PPM1H: variants seen among roughly 807,000 people sequenced by gnomAD.
PPM1H encodes protein phosphatase 1H.
In PPM1H, 27 loss-of-function variants were observed where a neutral mutation model predicts 54.9. That is an observed-to-expected ratio of 0.49 (90% confidence interval 0.36 to 0.68). The LOEUF (loss-of-function observed/expected upper bound fraction) is 0.68. Among genes scored for constraint, PPM1H ranks in the 30% least tolerant of loss-of-function variants. The pLI is 0.00. For synonymous variants in PPM1H, 305 were observed against 270.8 expected, an observed-to-expected ratio of 1.13 and a Z score of -1.24; for missense variants, 596 against 667.8, an observed-to-expected ratio of 0.89 and a Z score of 1.19.
rs1473952546 is a variant in PPM1H at position 62,731,767 on chromosome 12, G to A, written c.954+5735C>T. 5.9e-5 allele frequency among the ~76,000 whole-genome samples: 9 copies of A among 152,126 alleles called. 1 individual carries two copies. Among genetic ancestry groups the A allele is most frequent in the Admixed American group, 4.6e-4 (7 of 15,270 alleles). On this transcript the variant is annotated intron_variant, in intron 5 of 9. Transcript: ENST00000228705. ...TTTGAAGATATGATGACACCGGCAC[G>A]ACTTAATGTAATCAAGTCAGAGTTT...
At position 62,934,251 on chromosome 12, in the gene PPM1H, C is replaced by A. The variant is rs1463258869; in HGVS notation, c.245+241G>T. Among the ~76,000 whole-genome samples the A allele has an allele frequency of 1.3e-5, 2 of 152,202 alleles. No individual in the cohort carries two copies. Among genetic ancestry groups the A allele is most frequent in the Non-Finnish European group, 2.9e-5 (2 of 68,040 alleles). On this transcript the variant is annotated intron_variant, in intron 1 of 9. Transcript: ENST00000228705. The surrounding 1 kb of genome is among the most constrained non-coding windows in gnomAD (Gnocchi z 4.2). Reference sequence around the variant, plus strand: ...ACCTTAGCTTTCCCACGCTCCAGCGCTGCCACCCACCCCTCCACCACCCAT... The same window carrying A: ...ACCTTAGCTTTCCCACGCTCCAGCGATGCCACCCACCCCTCCACCACCCAT...
intron 2 of PPM1H, among the ~76,000 whole-genome samples, chr12:62,830,506 T>A (rs1051377692): frequency 6.6e-6 from 1 of 152,092 alleles, no homozygotes; most frequent in South Asian, 2.1e-4. Context: ...CTGCCCGCCT[T>A]GGCCTCCCAA....
intron 9 of PPM1H, chr12:62,659,288 A>C: frequency 2.0e-6 from 1 of 500,676 alleles, no homozygotes; most frequent in Non-Finnish European, 3.6e-6. Flanking sequence ...AAAAAAAAAA[A>C]AAAGAGAAAA....
At chr12:62,809,595 TG>T (rs755850439) in intron 2 of PPM1H, among the ~76,000 whole-genome samples, 8 of 152,216 alleles carry the variant, frequency 5.3e-5, no homozygotes, top group Non-Finnish European at 1.2e-4. Context: ...GAGATAGGCC[TG>T]GGGAATCACA....
chr12:62,752,382 T>G (rs1196353878), intron 4 of PPM1H, among the ~76,000 whole-genome samples: 2 of 152,224 alleles, frequency 1.3e-5, no homozygotes, highest in South Asian at 2.1e-4. Context: ...GTGACCTCAC[T>G]TAGGCTTTAA....
At chr12:62,675,493 A>G (rs950533522) in intron 8 of PPM1H, among the ~76,000 whole-genome samples, 1 of 152,210 alleles carries the variant, frequency 6.6e-6, no homozygotes, top group African/African-American at 2.4e-5. Flanking sequence ...TTGCAAAGAT[A>G]AGCATCAGAA....
intron 2 of PPM1H, among the ~76,000 whole-genome samples, chr12:62,812,216 G>A (rs1030814454): frequency 1.1e-4 from 16 of 152,090 alleles, no homozygotes; most frequent in Admixed American, 5.9e-4. Flanking sequence ...CAAATGTTTC[G>A]GCAATGGCTC....
chr12:62,815,256 T>C (rs532796231), intron 2 of PPM1H, among the ~76,000 whole-genome samples: 1 of 152,314 alleles, frequency 6.6e-6, no homozygotes, highest in African/African-American at 2.4e-5. Flanking sequence ...TAATTTCATA[T>C]ACTTTAATGA....
At chr12:62,695,315 T>G (rs1214027064) in intron 6 of PPM1H, among the ~76,000 whole-genome samples, 1 of 152,106 alleles carries the variant, frequency 6.6e-6, no homozygotes, top group Non-Finnish European at 1.5e-5. Flanking sequence ...CCTGCACAAG[T>G]AGATGTGCTC....
At chr12:62,658,989 A>G in intron 9 of PPM1H, 1 of 721,086 alleles carries the variant, frequency 1.4e-6, no homozygotes, top group African/African-American at 1.7e-5. Flanking sequence ...TTGATGCCCA[A>G]CATTGGTTAT....
intron 1 of PPM1H, among the ~76,000 whole-genome samples, chr12:62,882,535 A>G (rs1161084653): frequency 5.3e-5 from 8 of 152,360 alleles, no homozygotes; most frequent in Non-Finnish European, 1.2e-4. Flanking sequence ...ACGCAGCCCA[A>G]GAGTCCTTGG....
chr12:62,823,798 A>C (rs895706098), intron 2 of PPM1H, among the ~76,000 whole-genome samples: 4 of 152,356 alleles, frequency 2.6e-5, no homozygotes, highest in Admixed American at 1.3e-4. Flanking sequence ...TATCATACTG[A>C]ATGGGCAAAA....
At chr12:62,656,505 G>A (rs931354784) in intron 9 of PPM1H, among the ~76,000 whole-genome samples, 2 of 152,194 alleles carry the variant, frequency 1.3e-5, no homozygotes, top group Non-Finnish European at 2.9e-5. Flanking sequence ...ATCTGAATCA[G>A]CACAACAGTG....
Position 62,933,673 on chromosome 12 carries a change from T to C in PPM1H, c.245+819A>G, listed in dbSNP as rs984983088. 5.3e-5 allele frequency among the ~76,000 whole-genome samples: 8 copies of C among 152,264 alleles called. No individual in the cohort carries two copies. In the East Asian group the frequency reaches 1.3e-3, roughly 26 times the overall value. On this transcript the variant is annotated intron_variant, in intron 1 of 9. Coordinates refer to ENST00000228705, the MANE Select transcript of PPM1H (RefSeq NM_020700.2). The stretch of plus-strand genomic sequence containing the variant: ...TTACCATTCATAAGATGGTTATTAA[T>C]AGTCAGTGGAAAAGTGGCCATGGAG...
chr12:62,799,089 T>C (rs1309555873), intron 3 of PPM1H, among the ~76,000 whole-genome samples: 1 of 152,204 alleles, frequency 6.6e-6, no homozygotes, highest in Non-Finnish European at 1.5e-5. Context: ...GAATTACACA[T>C]GAAAATGAAG....
intron 1 of PPM1H, among the ~76,000 whole-genome samples, chr12:62,871,028 A>G (rs763735886): frequency 1.3e-5 from 2 of 152,230 alleles, no homozygotes; most frequent in Admixed American, 6.5e-5. Flanking sequence ...TTAAATATAC[A>G]TCATAAGATC....
chr12:62,927,425 T>C (rs772734711), intron 1 of PPM1H, among the ~76,000 whole-genome samples: 10 of 152,162 alleles, frequency 6.6e-5, no homozygotes, highest in African/African-American at 1.9e-4. Context: ...TTTGGGAGGC[T>C]GAGGCAGGTG....
rs902867118 is a variant in PPM1H at position 62,834,581 on chromosome 12, G to A, written c.246-2302C>T. On this transcript the variant is annotated intron_variant, in intron 1 of 9. Coordinates refer to ENST00000228705, the MANE Select transcript of PPM1H (RefSeq NM_020700.2). ...CAGGCAAGGTCTGGTCCAGGCCTGA[G>A]AGGGCGGGCCTTTCCCAGCATCTCT... Among the ~76,000 whole-genome samples the A allele has an allele frequency of 9.9e-5, 15 of 152,206 alleles. 1 individual carries two copies. Among genetic ancestry groups the A allele is most frequent in the Admixed American group, 8.5e-4 (13 of 15,288 alleles).
chr12:62,746,246 G>A (rs1443601051), intron 4 of PPM1H, among the ~76,000 whole-genome samples: 1 of 152,050 alleles, frequency 6.6e-6, no homozygotes, highest in East Asian at 1.9e-4. Context: ...ATCTTCCCCT[G>A]CAGCCTGAGC....
Sources: allele counts gnomAD v4.1 joint callset (sites outside exome capture counted in the v4.1 genomes callset), GRCh38; gene constraint gnomAD v4.1.1; non-coding constraint Gnocchi (gnomAD v3.1); transcripts MANE v1.5; gene names NCBI Gene and HGNC (gene_info 2026-07-23, HGNC 2026-07-21).